The following TEKT5 variants were observed in gnomAD, a reference collection of about 807,000 sequenced individuals.
The protein encoded by TEKT5 is tektin-5.
Under a neutral mutation model 48.7 loss-of-function variants are expected in TEKT5, and 52 were observed. That is an observed-to-expected ratio of 1.07 (90% CI 0.86 to 1.35). The LOEUF (loss-of-function observed/expected upper bound fraction) is 1.35. TEKT5 is among the 40% of genes most tolerant of loss of function. The pLI is 0.00. For missense variants in TEKT5, 831 were observed against 641.6 expected, an observed-to-expected ratio of 1.30 and a Z score of -3.19; for synonymous variants, 318 against 267.6, an observed-to-expected ratio of 1.19 and a Z score of -1.84.
intron 1 of TEKT5, among the ~76,000 whole-genome samples, chr16:10,693,340 C>G (rs1201775337): frequency 6.6e-6 from 1 of 152,220 alleles, no homozygotes; most frequent in African/African-American, 2.4e-5. Flanking sequence ...GGTGATCCAC[C>G]TGCCCTGGCC....
intron 3 of TEKT5, among the ~76,000 whole-genome samples, chr16:10,684,512 G>A (rs1439243228): frequency 2.0e-5 from 3 of 151,932 alleles, no homozygotes; most frequent in Non-Finnish European, 4.4e-5. Context: ...CAGGAAGCTC[G>A]GGTCATGTCG....
intron 1 of TEKT5, chr16:10,690,452 G>A: frequency 1.9e-6 from 1 of 513,902 alleles, no homozygotes; most frequent in Non-Finnish European, 2.5e-6. Context: ...CCTATTGTGT[G>A]CATTTGGGCA....
intron 5 of TEKT5, among the ~76,000 whole-genome samples, chr16:10,638,655 G>A (rs1897949348): frequency 6.6e-6 from 1 of 152,220 alleles, no homozygotes; most frequent in Non-Finnish European, 1.5e-5. Flanking sequence ...GGGGTCACCT[G>A]CTAGAGATGC....
rs1898931457 is a variant in TEKT5, at chr16:10,689,692, G to A, written c.648+250C>T. On this transcript the variant is annotated intron_variant, in intron 2 of 6. Transcript: ENST00000283025. ...TATAGTAGGTGCTCAATAAACGCTA[G>A]CTTTTATTATTGTTATTGGTATATT... 2.6e-5 allele frequency among the ~76,000 whole-genome samples: 4 copies of A among 152,084 alleles called. No individual in the cohort carries two copies. In the South Asian group the frequency reaches 6.2e-4, roughly 24 times the overall value.
rs191842098 is a variant in TEKT5, at chr16:10,659,049, T to C, written c.1086+16910A>G. 3.0e-4 allele frequency among the ~76,000 whole-genome samples: 46 copies of C among 152,282 alleles called. No homozygotes were observed. The East Asian group carries it at 6.8e-3, about 22-fold the overall frequency. On this transcript the variant is annotated intron_variant, in intron 5 of 6. Coordinates refer to ENST00000283025, the MANE Select transcript of TEKT5 (RefSeq NM_144674.2). ...CAGATCATTCTGTGTGTGGTATCTG[T>C]CCTGTGCATTGAAGGATGTTTAGTA...
chr16:10,647,010 C>G (rs191871277), intron 5 of TEKT5, among the ~76,000 whole-genome samples: 4 of 152,136 alleles, frequency 2.6e-5, no homozygotes, highest in Non-Finnish European at 5.9e-5. Flanking sequence ...TTCAGCCCAG[C>G]GCAGAAGAAA....
intron 5 of TEKT5, among the ~76,000 whole-genome samples, chr16:10,667,633 T>C (rs1407013315): frequency 6.6e-6 from 1 of 152,242 alleles, no homozygotes; most frequent in Non-Finnish European, 1.5e-5. Flanking sequence ...AAATTTAATC[T>C]GCTTTAAGTT....
At chr16:10,692,439 G>A (rs138002298) in intron 1 of TEKT5, among the ~76,000 whole-genome samples, 5 of 152,306 alleles carry the variant, frequency 3.3e-5, no homozygotes, top group Non-Finnish European at 5.9e-5. Flanking sequence ...GAGGCTTCCA[G>A]GCAAGAGGTC....
At chr16:10,674,269 T>TGAGCCA (rs1898601889) in intron 5 of TEKT5, among the ~76,000 whole-genome samples, 6 of 151,814 alleles carry the variant, frequency 4.0e-5, no homozygotes, top group Admixed American at 3.3e-4. Context: ...CCAGTGTGGG[T>TGAGCCA]CCCATGAGAA....
At chr16:10,673,278 C>A (rs1898580810) in intron 5 of TEKT5, among the ~76,000 whole-genome samples, 1 of 152,134 alleles carries the variant, frequency 6.6e-6, no homozygotes, top group Non-Finnish European at 1.5e-5. Flanking sequence ...ACCTGTGGAC[C>A]AAATCCAGCC....
In TEKT5 at chr16:10,666,000, A is replaced by G. The variant is rs560536187; in HGVS notation, c.1086+9959T>C. Among the ~76,000 whole-genome samples the G allele has an allele frequency of 3.0e-3, 459 of 152,310 alleles. 3 individuals are homozygous for G. The highest frequency in any genetic ancestry group is 0.01 in the African/African-American group (434 of 41,574). ...GGTGGCTCAGGCCTGTAATCCCAGC[A>G]CTTTGGGAGGCCGAGGCTGGTGGAC... is the stretch of plus-strand genomic sequence containing the variant. On this transcript the variant is annotated intron_variant, in intron 5 of 6. Coordinates refer to ENST00000283025, the MANE Select transcript of TEKT5 (RefSeq NM_144674.2).
chr16:10,673,990 G>A (rs536460276), intron 5 of TEKT5, among the ~76,000 whole-genome samples: 48 of 152,114 alleles, frequency 3.2e-4, no homozygotes, highest in African/African-American at 1.1e-3. Context: ...CTTCTGCCAC[G>A]CAGGCAGAAA....
At chr16:10,690,578 C>T in intron 1 of TEKT5, 1 of 985,354 alleles carries the variant, frequency 1.0e-6, no homozygotes, top group Non-Finnish European at 1.2e-6. Flanking sequence ...TCACTGAGAA[C>T]ACTGCCCCTA....
In TEKT5 at chr16:10,670,805, T is replaced by C. The variant is rs538529032; in HGVS notation, c.1086+5154A>G. Among the ~76,000 whole-genome samples, 5 of 152,270 alleles carry C rather than the reference T, an allele frequency of 3.3e-5. No homozygotes were observed. The South Asian group carries it at 1.0e-3, about 32-fold the overall frequency. ...GAGGTTGCAAAAACCCTCCAGTCTG[T>C]AGTGATGAGGTTGTTAGTAATAATT... On this transcript the variant is annotated intron_variant, in intron 5 of 6. Transcript: ENST00000283025.
intron 5 of TEKT5, among the ~76,000 whole-genome samples, chr16:10,653,767 G>C (rs1347165454): frequency 6.6e-6 from 1 of 152,082 alleles, no homozygotes; most frequent in Non-Finnish European, 1.5e-5. Flanking sequence ...ACAAAAATTA[G>C]CCAGGTATGG....
intron 3 of TEKT5, among the ~76,000 whole-genome samples, chr16:10,688,228 C>T (rs1306560179): frequency 3.3e-5 from 5 of 152,208 alleles, no homozygotes; most frequent in Admixed American, 1.3e-4. Context: ...TCTCTGTACA[C>T]CTCCACCCCG....
chr16:10,665,095 G>A lies in TEKT5; in HGVS notation c.1086+10864C>T, dbSNP rs79111545. 4.4e-3 allele frequency among the ~76,000 whole-genome samples: 672 copies of A among 152,296 alleles called. 1 individual carries two copies. The highest frequency in any genetic ancestry group is 0.01 in the Middle Eastern group (3 of 294). On this transcript the variant is annotated intron_variant, in intron 5 of 6. Transcript: ENST00000283025. Reference sequence around the variant, plus strand: ...CGGGACACAGAAGGTGGAGATGGAAGGGGAGGCTGGACCAAGGAGGAGGCC... The same window carrying A: ...CGGGACACAGAAGGTGGAGATGGAAAGGGAGGCTGGACCAAGGAGGAGGCC...
chr16:10,692,221 G>T (rs1181643318), intron 1 of TEKT5, among the ~76,000 whole-genome samples: 1 of 152,188 alleles, frequency 6.6e-6, no homozygotes, highest in Non-Finnish European at 1.5e-5. Context: ...AAGAGAATGG[G>T]AGGGAGAGCA....
At chr16:10,691,147 T>C (rs1463811691) in intron 1 of TEKT5, 1 of 146,756 alleles carries the variant, frequency 6.8e-6, no homozygotes, top group Admixed American at 6.9e-5. Context: ...CTGGGCAGCA[T>C]AGTGAGACCC....
Sources: gnomAD v4.1 joint callset for allele counts (sites outside exome capture counted in the v4.1 genomes callset) on GRCh38, gnomAD v4.1.1 for gene constraint, MANE v1.5 for transcripts, NCBI Gene and HGNC (gene_info 2026-07-23, HGNC 2026-07-21) for gene names.